Variants in CAMK4 observed in about 807,000 individuals in gnomAD.
The protein encoded by CAMK4 is calcium/calmodulin-dependent protein kinase type IV.
In CAMK4, 22 loss-of-function variants were observed where a neutral mutation model predicts 44.9. That is an observed-to-expected ratio of 0.49 (90% CI 0.35 to 0.70). The LOEUF is 0.70. CAMK4 is among the 30% of genes least tolerant of loss of function. The pLI is 0.01. For synonymous variants in CAMK4, 218 were observed against 215.4 expected, an observed-to-expected ratio of 1.01 and a Z score of -0.11; for missense variants, 498 against 586.8, an observed-to-expected ratio of 0.85 and a Z score of 1.56.
chr5:111,287,040 C>T (rs563938903), intron 1 of CAMK4, among the ~76,000 whole-genome samples: 149 of 152,266 alleles, frequency 9.8e-4, no homozygotes, highest in Non-Finnish European at 1.6e-3. Context: ...ATTCCATCAC[C>T]TCTTTGTTAA....
intron 7 of CAMK4, among the ~76,000 whole-genome samples, chr5:111,451,779 G>C (rs906891633): frequency 2.6e-5 from 4 of 152,052 alleles, no homozygotes; most frequent in Non-Finnish European, 5.9e-5. Flanking sequence ...TGTACCTGTT[G>C]TCCTAGTTAC....
At chr5:111,474,121 G>A (rs1467412795) in intron 8 of CAMK4, among the ~76,000 whole-genome samples, 1 of 152,070 alleles carries the variant, frequency 6.6e-6, no homozygotes, top group Non-Finnish European at 1.5e-5. Flanking sequence ...ATGCTTTCAA[G>A]AGTTTAGTTC....
chr5:111,439,558 C>G (rs890977838), intron 5 of CAMK4, among the ~76,000 whole-genome samples: 3 of 152,082 alleles, frequency 2.0e-5, no homozygotes, highest in Non-Finnish European at 2.9e-5. Context: ...AAGAAGCAGA[C>G]TTAGGGTAAA....
chr5:111,346,153 G>T (rs555670659), intron 2 of CAMK4, among the ~76,000 whole-genome samples: 2 of 151,968 alleles, frequency 1.3e-5, no homozygotes, highest in African/African-American at 4.8e-5. Context: ...AAACTTCCTT[G>T]TCTAAAGGAA....
intron 2 of CAMK4, among the ~76,000 whole-genome samples, chr5:111,349,706 G>T (rs1750013900): frequency 6.6e-6 from 1 of 151,808 alleles, no homozygotes; most frequent in Admixed American, 6.6e-5. Flanking sequence ...TTCTTCCTTA[G>T]GAGTATATAC....
chr5:111,255,393 G>A (rs1749696583), intron 1 of CAMK4, among the ~76,000 whole-genome samples: 1 of 152,186 alleles, frequency 6.6e-6, no homozygotes, highest in Admixed American at 6.5e-5. Flanking sequence ...ATCTGAGTGG[G>A]TTTTCTTGGA....
chr5:111,422,814 C>T (rs1753079837), intron 5 of CAMK4, among the ~76,000 whole-genome samples: 1 of 152,124 alleles, frequency 6.6e-6, no homozygotes, highest in Non-Finnish European at 1.5e-5. Flanking sequence ...TCAACAAATT[C>T]ACTTTCCTGA....
intron 5 of CAMK4, among the ~76,000 whole-genome samples, chr5:111,444,528 G>A (rs1467635672): frequency 6.6e-6 from 1 of 152,040 alleles, no homozygotes; most frequent in African/African-American, 2.4e-5. Flanking sequence ...TCCACACTGG[G>A]CCCATGAGAA....
intron 1 of CAMK4, among the ~76,000 whole-genome samples, chr5:111,274,032 C>T (rs146864836): frequency 0.011 from 1,692 of 152,084 alleles, 15 homozygotes; most frequent in South Asian, 0.027. Flanking sequence ...CCTCATCTCT[C>T]ATTGCATCCT....
chr5:111,280,407 A>G (rs1750961797), intron 1 of CAMK4, among the ~76,000 whole-genome samples: 1 of 152,222 alleles, frequency 6.6e-6, no homozygotes, highest in Non-Finnish European at 1.5e-5. Flanking sequence ...GACTCAAAGT[A>G]ACTCTTCCAG....
intron 5 of CAMK4, among the ~76,000 whole-genome samples, chr5:111,403,537 G>A (rs1752307127): frequency 6.6e-6 from 1 of 152,168 alleles, no homozygotes; most frequent in Non-Finnish European, 1.5e-5. Context: ...AAAAGTAAAA[G>A]TGGTTTAATT....
At chr5:111,405,274 C>T (rs1363052037) in intron 5 of CAMK4, among the ~76,000 whole-genome samples, 1 of 152,164 alleles carries the variant, frequency 6.6e-6, no homozygotes, top group East Asian at 1.9e-4. Flanking sequence ...TTGAGACCAT[C>T]CTGGCCAACG....
At chr5:111,414,953 G>T (rs977505245) in intron 5 of CAMK4, among the ~76,000 whole-genome samples, 5 of 152,064 alleles carry the variant, frequency 3.3e-5, no homozygotes, top group Non-Finnish European at 7.4e-5. Context: ...TTTCAGCAAG[G>T]GTTTTGTTTT....
At chr5:111,323,081 A>G (rs1748730817) in intron 1 of CAMK4, among the ~76,000 whole-genome samples, 1 of 152,090 alleles carries the variant, frequency 6.6e-6, no homozygotes, top group Admixed American at 6.6e-5. Context: ...GGCAGAAAAA[A>G]TATTTACAGA....
At chr5:111,385,604 C>T (rs187584504) in intron 4 of CAMK4, among the ~76,000 whole-genome samples, 2 of 152,016 alleles carry the variant, frequency 1.3e-5, no homozygotes, top group African/African-American at 4.8e-5. Context: ...GACAGAGTCT[C>T]CCTCTGTCGC....
intron 1 of CAMK4, among the ~76,000 whole-genome samples, chr5:111,338,933 C>T (rs1580615879): frequency 1.3e-5 from 2 of 151,152 alleles, no homozygotes; most frequent in Non-Finnish European, 3.0e-5. Flanking sequence ...TTTGGCTATT[C>T]AGGCTCTTTT....
rs981490024 is a variant in CAMK4 at position 111,372,244 on chromosome 5, C to T, written c.241-2606C>T. Among the ~76,000 whole-genome samples, 6 of 152,106 alleles carry T rather than the reference C, an allele frequency of 3.9e-5. No homozygotes were observed. In the South Asian group the frequency reaches 8.3e-4, roughly 21 times the overall value. ...AACAAATACTAAAAGCAAACAATAA[C>T]GGAGTCCTCAGTGTCTGACAACATT... is the stretch of plus-strand genomic sequence containing the variant. On this transcript the variant is annotated intron_variant, in intron 2 of 10. Transcript: ENST00000282356.
chr5:111,334,090 CT>C (rs1321706906), intron 1 of CAMK4, among the ~76,000 whole-genome samples: 1 of 151,478 alleles, frequency 6.6e-6, no homozygotes, highest in Non-Finnish European at 1.5e-5. Context: ...AAACCTTGGG[CT>C]TGGACTTTTC....
At chr5:111,476,273 G>T (rs1237983266) in intron 8 of CAMK4, among the ~76,000 whole-genome samples, 190 of 147,654 alleles carry the variant, frequency 1.3e-3, no homozygotes, top group African/African-American at 4.5e-3. Context: ...GTGTGTGTTT[G>T]TGTGTGTGTG....
Sources: gnomAD v4.1 joint callset for allele counts (sites outside exome capture counted in the v4.1 genomes callset) on GRCh38, gnomAD v4.1.1 for gene constraint, MANE v1.5 for transcripts, NCBI Gene and HGNC (gene_info 2026-07-23, HGNC 2026-07-21) for gene names.